COL14A1: variants seen among roughly 807,000 people sequenced by gnomAD.
The protein encoded by COL14A1 is collagen alpha-1(XIV) chain.
In COL14A1, 136 loss-of-function variants were observed where a neutral mutation model predicts 230.3. The observed-to-expected ratio is 0.59, with a 90% CI of 0.51 to 0.68. The LOEUF (loss-of-function observed/expected upper bound fraction) is 0.68, where lower values mean the gene tolerates loss of function less well. Ranked by LOEUF, COL14A1 falls within the 30% of genes least tolerant of loss-of-function variation. COL14A1 has a pLI of 0.00. For synonymous variants in COL14A1, 792 were observed against 784.1 expected, an observed-to-expected ratio of 1.01 and a Z score of -0.17; for missense variants, 1,976 against 2,215.8, an observed-to-expected ratio of 0.89 and a Z score of 2.17.
chr8:120,368,795 A>C (rs1823492179), intron 46 of COL14A1, among the ~76,000 whole-genome samples: 1 of 152,190 alleles, frequency 6.6e-6, no homozygotes, highest in African/African-American at 2.4e-5. Context: ...ATACAAATTT[A>C]CTTTAATTAT....
chr8:120,157,557 T>A (rs1299462239), intron 2 of COL14A1, among the ~76,000 whole-genome samples: 1 of 152,232 alleles, frequency 6.6e-6, no homozygotes, highest in East Asian at 1.9e-4. Flanking sequence ...TATTACATTC[T>A]AACACTTGGT....
intron 5 of COL14A1, among the ~76,000 whole-genome samples, chr8:120,187,924 A>G (rs957636934): frequency 6.6e-6 from 1 of 152,154 alleles, no homozygotes; most frequent in Non-Finnish European, 1.5e-5. Flanking sequence ...TTGGGTTTCA[A>G]ATCCCAGCTT....
intron 1 of COL14A1, among the ~76,000 whole-genome samples, chr8:120,134,400 T>C (rs917063288): frequency 5.9e-5 from 9 of 152,118 alleles, no homozygotes; most frequent in African/African-American, 2.2e-4. Flanking sequence ...ATAAGTGGTA[T>C]TGGACTAATT....
At chr8:120,238,444 G>A (rs917941551) in intron 19 of COL14A1, among the ~76,000 whole-genome samples, 1 of 152,062 alleles carries the variant, frequency 6.6e-6, no homozygotes, top group Non-Finnish European at 1.5e-5. Context: ...TACTAATGGC[G>A]GACACCCCTC....
chr8:120,128,250 T>C lies in COL14A1; in HGVS notation c.-38+2910T>C, dbSNP rs1814417624. 2.6e-5 allele frequency among the ~76,000 whole-genome samples: 4 copies of C among 151,356 alleles called. No homozygotes were observed. The South Asian group carries it at 6.3e-4, about 24-fold the overall frequency. Reference sequence around the variant, plus strand: ...GCGCGTGTGTGTGTGTGTGTGTGTGTGTGTGTGTGTGTTGGAAATGTTGGC... The same window carrying C: ...GCGCGTGTGTGTGTGTGTGTGTGTGCGTGTGTGTGTGTTGGAAATGTTGGC... On this transcript the variant is annotated intron_variant, in intron 1 of 47. Transcript: ENST00000297848.
intron 1 of COL14A1, among the ~76,000 whole-genome samples, chr8:120,140,339 T>C (rs1814860787): frequency 6.6e-6 from 1 of 152,218 alleles, no homozygotes; most frequent in Non-Finnish European, 1.5e-5. Context: ...TTCATCTTTT[T>C]TTTTTTCAAT....
intron 45 of COL14A1, among the ~76,000 whole-genome samples, chr8:120,362,294 A>T (rs1413529568): frequency 6.6e-6 from 1 of 152,204 alleles, no homozygotes; most frequent in African/African-American, 2.4e-5. Context: ...CTCTTGGCTC[A>T]TGTGAAAACA....
chr8:120,175,141 GCAGTTAAAGTTA>G (rs1207747620), intron 5 of COL14A1, among the ~76,000 whole-genome samples: 1 of 152,178 alleles, frequency 6.6e-6, no homozygotes, highest in African/African-American at 2.4e-5. Flanking sequence ...AAGTGGCTGT[GCAGTTAAAGTTA>G]CAGTTAAGAT....
intron 36 of COL14A1, among the ~76,000 whole-genome samples, chr8:120,306,479 C>A (rs950805179): frequency 6.6e-6 from 1 of 152,078 alleles, no homozygotes; most frequent in Non-Finnish European, 1.5e-5. Context: ...GTATCCTGAG[C>A]AATATGTAAT....
intron 46 of COL14A1, among the ~76,000 whole-genome samples, chr8:120,368,880 C>T (rs991091656): frequency 3.3e-5 from 5 of 152,006 alleles, no homozygotes; most frequent in African/African-American, 1.2e-4. Context: ...TTATCTGGGG[C>T]CATAAACTGG....
intron 1 of COL14A1, among the ~76,000 whole-genome samples, chr8:120,129,085 A>T (rs1380613863): frequency 6.6e-6 from 1 of 152,196 alleles, no homozygotes; most frequent in Non-Finnish European, 1.5e-5. Flanking sequence ...TTCACTTCCC[A>T]GCCCTGTCTC....
chr8:120,367,475 G>A (rs567845406), intron 46 of COL14A1, among the ~76,000 whole-genome samples: 4 of 152,250 alleles, frequency 2.6e-5, no homozygotes, highest in Admixed American at 2.6e-4. Context: ...GTTGCGATAG[G>A]ACAGACTATG....
At chr8:120,205,419 A>G (rs1817397246) in intron 9 of COL14A1, among the ~76,000 whole-genome samples, 1 of 152,112 alleles carries the variant, frequency 6.6e-6, no homozygotes, top group South Asian at 2.1e-4. Flanking sequence ...CAGAGTTTTT[A>G]GTTATACTCA....
At chr8:120,349,793 C>G (rs1822675453) in intron 45 of COL14A1, among the ~76,000 whole-genome samples, 1 of 137,278 alleles carries the variant, frequency 7.3e-6, no homozygotes, top group Non-Finnish European at 1.5e-5. Flanking sequence ...GAGAATGGAA[C>G]CAAGTTGGAA....
Position 120,150,984 on chromosome 8 carries a change from T to C in COL14A1, c.88+3054T>C, listed in dbSNP as rs139116579. 4.0e-4 allele frequency among the ~76,000 whole-genome samples: 61 copies of C among 151,434 alleles called. No individual in the cohort carries two copies. In the East Asian group the frequency reaches 0.01, roughly 26 times the overall value. ...AGTTTAATAGAAGAAAAATGACTGA[T>C]TGAAAGAGTAAAAAAAAAAAATCCA... On this transcript the variant is annotated intron_variant, in intron 2 of 47. Coordinates refer to ENST00000297848, the MANE Select transcript of COL14A1 (RefSeq NM_021110.4).
At chr8:120,132,222 GTTAAT>G (rs1399297386) in intron 1 of COL14A1, among the ~76,000 whole-genome samples, 2 of 152,016 alleles carry the variant, frequency 1.3e-5, no homozygotes, top group Non-Finnish European at 2.9e-5. Flanking sequence ...TCTATTTTGA[GTTAAT>G]TTTCATATAT....
rs1193504416 is a variant in COL14A1 at position 120,179,539 on chromosome 8, AG to A, written c.436+11294del. Among the ~76,000 whole-genome samples, 3 of 152,334 alleles carry A rather than the reference AG, an allele frequency of 2.0e-5. No homozygotes were observed. The East Asian group carries it at 5.8e-4, about 29-fold the overall frequency. ...AAATTACCGCTCAAGGAAATAAGAG[AG>A]GACACAAGCAAATGGAAAAACATTC... On this transcript the variant is annotated intron_variant, in intron 5 of 47. Coordinates refer to ENST00000297848, the MANE Select transcript of COL14A1 (RefSeq NM_021110.4).
intron 43 of COL14A1, 149 bp from the exon 44 acceptor site, chr8:120,342,231 C>A: frequency 1.5e-6 from 1 of 667,540 alleles, no homozygotes. Context: ...CCCTTCTCTG[C>A]ATGCACCGTG....
chr8:120,367,873 G>A (rs1363976971), intron 46 of COL14A1, among the ~76,000 whole-genome samples: 2 of 151,862 alleles, frequency 1.3e-5, no homozygotes, highest in African/African-American at 4.8e-5. Context: ...GAGCTCTGGA[G>A]GTTGAGGCTA....
Sources: allele counts gnomAD v4.1 joint callset (sites outside exome capture counted in the v4.1 genomes callset), GRCh38; gene constraint gnomAD v4.1.1; transcripts MANE v1.5; gene names NCBI Gene and HGNC (gene_info 2026-07-23, HGNC 2026-07-21).